ANK2: variants seen among roughly 807,000 people sequenced by gnomAD.
The protein encoded by ANK2 is ankyrin 2, also known as ankyrin-2.
ANK2 carries 83 observed loss-of-function variants against 360.5 expected under a neutral mutation model. The ratio of observed to expected loss-of-function variants is 0.23; its 90% confidence interval spans 0.19 to 0.28. The LOEUF (loss-of-function observed/expected upper bound fraction) is 0.28, where lower values mean the gene tolerates loss of function less well. ANK2 is among the 10% of genes least tolerant of loss of function. ANK2 has a pLI of 1.00. For synonymous variants in ANK2, 1,740 were observed against 1,759.5 expected (o/e 0.99, Z 0.28); for missense variants, 4,201 against 4,795.7 (o/e 0.88, Z 3.66).
intron 18 of ANK2, among the ~76,000 whole-genome samples, chr4:113,285,043 A>G (rs2063842400): frequency 6.6e-6 from 1 of 152,232 alleles, no homozygotes; most frequent in South Asian, 2.1e-4. Context: ...AAAACCAAAA[A>G]AGATCCGTCG....
intron 32 of ANK2, among the ~76,000 whole-genome samples, chr4:113,340,526 C>T (rs567236387): frequency 3.3e-5 from 5 of 151,990 alleles, no homozygotes; most frequent in Non-Finnish European, 5.9e-5. Context: ...AACCCTGTCT[C>T]TCACAAAAAA....
intron 2 of ANK2, among the ~76,000 whole-genome samples, chr4:112,929,123 G>A (rs2092910564): frequency 6.6e-6 from 1 of 152,160 alleles, no homozygotes; most frequent in South Asian, 2.1e-4. Flanking sequence ...AAAGTGCTGG[G>A]ATTACAGGCG....
intron 1 of ANK2, among the ~76,000 whole-genome samples, chr4:112,879,636 C>T (rs1350612879): frequency 6.6e-6 from 1 of 152,126 alleles, no homozygotes; most frequent in Non-Finnish European, 1.5e-5. Flanking sequence ...ATAACTAATG[C>T]AGAGGGTTTT....
intron 1 of ANK2, chr4:112,826,815 A>C (rs1255420454): frequency 8.1e-7 from 1 of 1,231,206 alleles, no homozygotes; most frequent in African/African-American, 1.5e-5. Flanking sequence ...TTCTACTCAA[A>C]AAAATAAAGT....
intron 2 of ANK2, among the ~76,000 whole-genome samples, chr4:112,983,183 T>G (rs1278610684): frequency 6.6e-6 from 1 of 152,198 alleles, no homozygotes; most frequent in Non-Finnish European, 1.5e-5. Context: ...TTTCTGAATA[T>G]AATGGGTAAA....
chr4:112,860,249 C>T (rs960482563), intron 1 of ANK2, among the ~76,000 whole-genome samples: 4 of 151,674 alleles, frequency 2.6e-5, no homozygotes, highest in African/African-American at 7.3e-5. Flanking sequence ...TTTTTTGAGA[C>T]GGAGTCTTGC....
intron 1 of ANK2, among the ~76,000 whole-genome samples, chr4:113,128,035 GA>G (rs2095775199): frequency 6.6e-6 from 1 of 152,188 alleles, no homozygotes; most frequent in Non-Finnish European, 1.5e-5. Flanking sequence ...AAGTCAGAAG[GA>G]AAGTAAAAAC....
intron 1 of ANK2, among the ~76,000 whole-genome samples, chr4:113,168,638 G>A (rs995880290): frequency 6.6e-6 from 1 of 152,316 alleles, no homozygotes; most frequent in South Asian, 2.1e-4. Flanking sequence ...AATAGAAATT[G>A]TCAAGTGGGA....
chr4:112,898,981 C>G (rs747705171), intron 1 of ANK2, among the ~76,000 whole-genome samples: 5 of 152,092 alleles, frequency 3.3e-5, no homozygotes, highest in Non-Finnish European at 5.9e-5. Flanking sequence ...AAATGACCAC[C>G]GAGGAGGGTA....
intron 1 of ANK2, among the ~76,000 whole-genome samples, chr4:112,878,918 C>T (rs912942419): frequency 6.6e-6 from 1 of 152,172 alleles, no homozygotes; most frequent in Non-Finnish European, 1.5e-5. Context: ...CCACTGCGCC[C>T]GGCCCCTGAT....
intron 4 of ANK2, among the ~76,000 whole-genome samples, chr4:113,221,766 T>C (rs1199398099): frequency 1.3e-5 from 2 of 152,156 alleles, no homozygotes; most frequent in African/African-American, 4.8e-5. Context: ...CAGGTTGCTG[T>C]ATAGGATGCA....
chr4:113,305,724 C>G (rs1361288361), intron 23 of ANK2, among the ~76,000 whole-genome samples: 2 of 152,140 alleles, frequency 1.3e-5, no homozygotes, highest in Admixed American at 6.5e-5. Context: ...TTTATGAAAC[C>G]TGCTATCATC....
upstream of ANK2, among the ~76,000 whole-genome samples, chr4:112,813,053 C>T (rs1023635233): frequency 6.6e-6 from 1 of 151,922 alleles, no homozygotes; most frequent in Non-Finnish European, 1.5e-5. Flanking sequence ...GCCTGGCCAA[C>T]ATAGTGAAAC....
At chr4:112,858,774 G>T (rs1432822961) in intron 1 of ANK2, among the ~76,000 whole-genome samples, 8 of 152,140 alleles carry the variant, frequency 5.3e-5, no homozygotes, top group Non-Finnish European at 1.2e-4. Flanking sequence ...TCACATTGTA[G>T]GTAGGTAATC....
intron 2 of ANK2, among the ~76,000 whole-genome samples, chr4:112,993,092 G>A (rs1288407672): frequency 6.6e-6 from 1 of 151,882 alleles, no homozygotes; most frequent in East Asian, 1.9e-4. Context: ...AGACCAGCCT[G>A]GGCAACATAA....
intron 1 of ANK2, among the ~76,000 whole-genome samples, chr4:113,104,965 C>T (rs1035199324): frequency 1.3e-5 from 2 of 151,898 alleles, no homozygotes; most frequent in Non-Finnish European, 2.9e-5. Flanking sequence ...CTCAATTCAG[C>T]ATACTTGATG....
At chr4:113,305,436 A>G (rs191266711) in intron 23 of ANK2, among the ~76,000 whole-genome samples, 155 of 151,980 alleles carry the variant, frequency 1.0e-3, no homozygotes, top group Non-Finnish European at 1.9e-3. Flanking sequence ...AAAATGTTAT[A>G]TATTAAATAT....
chr4:113,364,488 T>C (rs1173037693), intron 40 of ANK2, among the ~76,000 whole-genome samples: 1 of 152,252 alleles, frequency 6.6e-6, no homozygotes, highest in Non-Finnish European at 1.5e-5. Flanking sequence ...GTAATGTTAC[T>C]CAAACCCTAA....
At chr4:113,017,946 A>C (rs1192599309) in intron 2 of ANK2, among the ~76,000 whole-genome samples, 1 of 152,206 alleles carries the variant, frequency 6.6e-6, no homozygotes, top group African/African-American at 2.4e-5. Context: ...TGGTGGGTAT[A>C]AGAGCAGAAG....
Sources: allele counts gnomAD v4.1 joint callset (sites outside exome capture counted in the v4.1 genomes callset), GRCh38; gene constraint gnomAD v4.1.1; transcripts MANE v1.5; gene names NCBI Gene and HGNC (gene_info 2026-07-23, HGNC 2026-07-21).